The following ZFYVE26 variants were observed in gnomAD, a reference collection of about 807,000 sequenced individuals.
ZFYVE26 encodes the protein zinc finger FYVE domain-containing protein 26.
ZFYVE26 carries 181 observed loss-of-function variants against 276.5 expected under a neutral mutation model. That is an observed-to-expected ratio of 0.65 (90% CI 0.58 to 0.74). ZFYVE26 has a LOEUF of 0.74. Among genes scored for constraint, ZFYVE26 ranks in the 30% least tolerant of loss-of-function variants. ZFYVE26 has a pLI of 0.00. For synonymous variants in ZFYVE26, 1,129 were observed against 1,203.1 expected (o/e 0.94, Z 1.27); for missense variants, 2,821 against 3,097.9 (o/e 0.91, Z 2.12).
chr14:67,771,847 T>C (rs148651017), intron 28 of ZFYVE26, among the ~76,000 whole-genome samples, 200 bp downstream of exon 28: 8 of 152,212 alleles, frequency 5.3e-5, no homozygotes, highest in Non-Finnish European at 1.2e-4. Context: ...TTTATGGCTG[T>C]TTGAGGGTGT....
chr14:67,790,384 C>G (rs2039778778), intron 15 of ZFYVE26, among the ~76,000 whole-genome samples, 188 bp downstream of exon 15: 1 of 152,194 alleles, frequency 6.6e-6, no homozygotes, highest in East Asian at 1.9e-4. Flanking sequence ...GGTATCTGAA[C>G]AGCCTGGGCA....
At chr14:67,795,084 C>T (rs894908398) in intron 12 of ZFYVE26, among the ~76,000 whole-genome samples, 3 of 152,192 alleles carry the variant, frequency 2.0e-5, no homozygotes, top group Non-Finnish European at 2.9e-5. Context: ...AACAGAGGCT[C>T]GCTATTCCTT....
chr14:67,809,168 C>A, intron 4 of ZFYVE26, 32 bp downstream of exon 4: 2 of 1,587,824 alleles, frequency 1.3e-6, no homozygotes, highest in Non-Finnish European at 1.7e-6. Flanking sequence ...GACTGTCAAC[C>A]CTGGGCAGAT....
At position 67,748,664 on chromosome 14, in the gene ZFYVE26, C is replaced by T. The variant is rs201729037; in HGVS notation, c.7417-25G>A. 1.7e-4 allele frequency: 282 copies of T among 1,612,272 alleles called. 2 individuals carry two copies. The African/African-American group carries it at 2.8e-3, about 16-fold the overall frequency. ...CCTGGCAGTCAGTTATAAGAGACAG[C>T]GGAAAGGCATCCATCACCGACAAAT... On this transcript the variant is annotated intron_variant, in intron 41 of 41. Transcript: ENST00000347230.
intron 12 of ZFYVE26, chr14:67,797,179 A>T: frequency 5.2e-6 from 1 of 191,682 alleles, no homozygotes; most frequent in Non-Finnish European, 1.1e-5. Context: ...ACCCATATAG[A>T]TCTGACCTAG....
chr14:67,811,706 T>C (rs981644864), intron 3 of ZFYVE26, among the ~76,000 whole-genome samples: 2 of 151,328 alleles, frequency 1.3e-5, no homozygotes, highest in African/African-American at 4.8e-5. Context: ...AAGTGTTTTA[T>C]CCTAGAGAGA....
At position 67,804,228 on chromosome 14, in the gene ZFYVE26, T is replaced by A; in HGVS notation, c.1308A>T (p.Leu436Phe). Residue 436 changes from leucine (L) to phenylalanine (F), a missense_variant, in exon 9 of 42, where the codon TTA becomes TTT. Leu to Phe is a conservative substitution (Grantham distance 22, BLOSUM62 0). Transcript: ENST00000347230. ...PIPKRDLLYHLHGGDSHSVLY... is the reference protein window; with the variant it reads ...PIPKRDLLYHFHGGDSHSVLY... ...GCACTGAGTGGCTGTCTCCACCGTG[T>A]AAATGATACAACAGATCTCTCTTTG... 1 of 1,613,990 alleles carries A rather than the reference T, an allele frequency of 6.2e-7. No individual in the cohort carries two copies. The highest frequency in any genetic ancestry group is 8.5e-7 in the Non-Finnish European group (1 of 1,179,962).
chr14:67,733,822 G>A, intron 13 of ZFYVE26: 1 of 1,612,988 alleles, frequency 6.2e-7, no homozygotes, highest in Non-Finnish European at 8.5e-7. Context: ...TGTCAGCTGT[G>A]AGCTTCTAGG....
At chr14:67,752,595 TA>T in intron 39 of ZFYVE26, 69 bp from the exon 40 acceptor site, 3 of 1,531,744 alleles carry the variant, frequency 2.0e-6, no homozygotes, top group Non-Finnish European at 2.7e-6. Flanking sequence ...AGGCAGCATT[TA>T]AAAGCTCTCA....
At chr14:67,754,427 G>A (rs560733000) in intron 37 of ZFYVE26, among the ~76,000 whole-genome samples, 2 of 152,340 alleles carry the variant, frequency 1.3e-5, no homozygotes, top group South Asian at 4.1e-4. Context: ...GGTGCACTGT[G>A]GAACCAGATA....
intron 13 of ZFYVE26, among the ~76,000 whole-genome samples, chr14:67,732,989 G>A (rs1432331530): frequency 1.3e-5 from 2 of 152,146 alleles, no homozygotes; most frequent in Non-Finnish European, 2.9e-5. Context: ...GGGGAGCGGG[G>A]AGGGATAGCA....
At chr14:67,762,629 T>C (rs2038962371) in intron 33 of ZFYVE26, 43 bp downstream of exon 33, 6 of 1,610,190 alleles carry the variant, frequency 3.7e-6, no homozygotes, top group Non-Finnish European at 5.1e-6. Context: ...AGCAACTTGC[T>C]ACAGTGGGGT....
chr14:67,783,152 A>T lies in ZFYVE26; in HGVS notation c.4000T>A (p.Leu1334Met). 6.2e-7 allele frequency: 1 copy of T among 1,607,912 alleles called. No individual in the cohort carries two copies. Among genetic ancestry groups the T allele is most frequent in the Non-Finnish European group, 8.5e-7 (1 of 1,175,696 alleles). Residue 1334 changes from leucine to methionine, a missense_variant, in exon 21 of 42, where the codon TTG becomes ATG. By Grantham distance (15) the Leu-to-Met change is conservative. Transcript: ENST00000347230. ...CGGCCACGAAGTTCCTTCCATGACAAGCTGGGTTTGCTGACCTTTAACCTC... is the reference window on the plus strand; with the variant it reads ...CGGCCACGAAGTTCCTTCCATGACATGCTGGGTTTGCTGACCTTTAACCTC... The part of the protein sequence containing the change: ...SPRLKVSKPS[L>M]SWKELRGRRE...
chr14:67,814,391 C>T (rs183576101), intron 2 of ZFYVE26, among the ~76,000 whole-genome samples: 11 of 152,214 alleles, frequency 7.2e-5, no homozygotes, highest in Non-Finnish European at 1.0e-4. Flanking sequence ...CGGTGGCAGG[C>T]GCCTGTAGTC....
chr14:67,796,561 T>C (rs769792670), intron 12 of ZFYVE26: 3 of 152,162 alleles, frequency 2.0e-5, no homozygotes, highest in Non-Finnish European at 4.4e-5. Context: ...TTTGAGGTGA[T>C]AGATATTACT....
At position 67,754,789 on chromosome 14, in the gene ZFYVE26, C is replaced by T. The variant is rs143975028; in HGVS notation, c.6986+262G>A. Reference sequence around the variant, plus strand: ...TGACATCAGTAGGGGCCAGAACGTGCAGGAGCCTTTTGGCCTACTGTAAGG... The same window carrying T: ...TGACATCAGTAGGGGCCAGAACGTGTAGGAGCCTTTTGGCCTACTGTAAGG... On this transcript the variant is annotated intron_variant, in intron 37 of 41. Transcript: ENST00000347230. Among the ~76,000 whole-genome samples the T allele has an allele frequency of 2.9e-3, 440 of 152,262 alleles. 1 individual carries two copies. Among genetic ancestry groups the T allele is most frequent in the Admixed American group, 4.8e-3 (74 of 15,292 alleles).
chr14:67,733,704 A>G, intron 13 of ZFYVE26: 1 of 1,336,784 alleles, frequency 7.5e-7, no homozygotes, highest in Non-Finnish European at 1.1e-6. Flanking sequence ...CCAGACTGCT[A>G]ATTCTCATTC....
rs2039307447 is a variant in ZFYVE26 at position 67,775,115 on chromosome 14, C to T, written c.5222-1G>A. On this transcript the variant is annotated splice_acceptor_variant, in intron 26 of 41. Coordinates refer to ENST00000347230, the MANE Select transcript of ZFYVE26 (RefSeq NM_015346.4). LOFTEE classifies it high-confidence loss of function. ...ATTTCTTGGAGGTGAATCACAGAAT[C>T]TGTAGAGAGGGAAAATGCTGACAAA... is the stretch of plus-strand genomic sequence containing the variant. 1.2e-6 allele frequency: 2 copies of T among 1,602,840 alleles called. No individual in the cohort carries two copies. Among genetic ancestry groups the T allele is most frequent in the East Asian group, 4.5e-5 (2 of 44,822 alleles).
At chr14:67,799,664 G>A in intron 10 of ZFYVE26, 1 of 1,256,284 alleles carries the variant, frequency 8.0e-7, no homozygotes, top group Admixed American at 1.8e-5. Flanking sequence ...TGGTAGGCAA[G>A]GTGCTGGCAA....
Sources: gnomAD v4.1 joint callset for allele counts (sites outside exome capture counted in the v4.1 genomes callset) on GRCh38, gnomAD v4.1.1 for gene constraint, MANE v1.5 for transcripts, NCBI Gene and HGNC (gene_info 2026-07-23, HGNC 2026-07-21) for gene names.